Variants in HS3ST4 observed in about 807,000 individuals in gnomAD.
The protein encoded by HS3ST4 is heparan sulfate-glucosamine 3-sulfotransferase 4.
In HS3ST4, 17 loss-of-function variants were observed where a neutral mutation model predicts 29.2. The ratio of observed to expected loss-of-function variants is 0.58; its 90% CI spans 0.40 to 0.87. The LOEUF (loss-of-function observed/expected upper bound fraction) is 0.87. HS3ST4 is among the 40% of genes least tolerant of loss of function. The pLI is 0.00. For synonymous variants in HS3ST4, 314 were observed against 285.7 expected (o/e 1.10, Z -1.00); for missense variants, 627 against 634.5 (o/e 0.99, Z 0.13).
intron 1 of HS3ST4, among the ~76,000 whole-genome samples, chr16:26,065,987 A>G (rs769002544): frequency 5.9e-5 from 9 of 152,062 alleles, no homozygotes; most frequent in Non-Finnish European, 1.3e-4. Context: ...AATAAGACAC[A>G]TGTCTGCCCA....
intron 1 of HS3ST4, among the ~76,000 whole-genome samples, chr16:26,018,989 A>C (rs1486225880): frequency 6.6e-6 from 1 of 152,130 alleles, no homozygotes; most frequent in Admixed American, 6.5e-5. Flanking sequence ...TCCTGCCACT[A>C]TGTGACTTTG....
intron 1 of HS3ST4, among the ~76,000 whole-genome samples, chr16:26,060,552 A>G (rs1480544101): frequency 6.6e-6 from 1 of 152,120 alleles, no homozygotes; most frequent in East Asian, 1.9e-4. Context: ...CATAGCAGAC[A>G]TTGGTCATCA....
At position 25,776,084 on chromosome 16, in the gene HS3ST4, T is replaced by C. The variant is rs1966847308; in HGVS notation, c.734+82933T>C. On this transcript the variant is annotated intron_variant, in intron 1 of 1. Coordinates refer to ENST00000331351, the MANE Select transcript of HS3ST4 (RefSeq NM_006040.3). ...TCTGGCCTTTGGTTGTCTTGCAACC[T>C]TAGTACTGATGGCTGGTTCCTCCTC... 3.3e-5 allele frequency among the ~76,000 whole-genome samples: 5 copies of C among 152,216 alleles called. 1 individual carries two copies. In the South Asian group the frequency reaches 8.3e-4, roughly 25 times the overall value.
At chr16:26,025,161 C>T (rs1243638500) in intron 1 of HS3ST4, 1 of 152,830 alleles carries the variant, frequency 6.5e-6, no homozygotes, top group East Asian at 1.9e-4. Context: ...AGCCATGCCA[C>T]TTTTTAATAA....
chr16:25,913,660 A>G (rs1968261086), intron 1 of HS3ST4, among the ~76,000 whole-genome samples: 1 of 152,202 alleles, frequency 6.6e-6, no homozygotes, highest in Non-Finnish European at 1.5e-5. Flanking sequence ...GAAGAAAGGA[A>G]GGGTTACTAG....
chr16:25,834,624 A>G (rs755595722), intron 1 of HS3ST4, among the ~76,000 whole-genome samples: 1 of 152,202 alleles, frequency 6.6e-6, no homozygotes, highest in Non-Finnish European at 1.5e-5. Flanking sequence ...ATAGTTGCAT[A>G]TTGTGTAGGG....
At chr16:25,859,761 AT>A (rs1296567775) in intron 1 of HS3ST4, among the ~76,000 whole-genome samples, 1 of 152,232 alleles carries the variant, frequency 6.6e-6, no homozygotes, top group East Asian at 1.9e-4. Flanking sequence ...GATGGAACAG[AT>A]GTTCCCCATC....
In HS3ST4 at chr16:25,801,869, T is replaced by C. The variant is rs941670779; in HGVS notation, c.734+108718T>C. ...GTAGACAAAAATTTAATTTCCTTTA[T>C]ATTTTATGTATATATTTTTGTTTCT... On this transcript the variant is annotated intron_variant, in intron 1 of 1. Coordinates refer to ENST00000331351, the MANE Select transcript of HS3ST4 (RefSeq NM_006040.3). Among the ~76,000 whole-genome samples the C allele has an allele frequency of 7.9e-5, 12 of 152,234 alleles. No individual in the cohort carries two copies. The East Asian group carries it at 1.3e-3, about 17-fold the overall frequency.
chr16:25,949,825 C>T (rs549317384), intron 1 of HS3ST4, among the ~76,000 whole-genome samples: 2 of 152,176 alleles, frequency 1.3e-5, no homozygotes, highest in East Asian at 3.9e-4. Flanking sequence ...CTAAACTGAC[C>T]AAGCAGGATT....
chr16:25,941,018 A>G (rs1372993029), intron 1 of HS3ST4, among the ~76,000 whole-genome samples: 1 of 152,094 alleles, frequency 6.6e-6, no homozygotes. Context: ...TTAGATTTTC[A>G]CTTGTCTGGC....
intron 1 of HS3ST4, among the ~76,000 whole-genome samples, chr16:25,711,113 T>G (rs1966412340): frequency 1.3e-5 from 2 of 152,104 alleles, no homozygotes; most frequent in Non-Finnish European, 2.9e-5. Context: ...CATGAACCAC[T>G]GTGTCCAGCT....
intron 1 of HS3ST4, among the ~76,000 whole-genome samples, chr16:25,904,209 T>TGGATGGAC (rs1968157594): frequency 6.6e-6 from 1 of 152,012 alleles, no homozygotes; most frequent in Non-Finnish European, 1.5e-5. Flanking sequence ...AATGGATGGA[T>TGGATGGAC]GGATGGACGG....
At chr16:26,058,312 A>G (rs1898433340) in intron 1 of HS3ST4, among the ~76,000 whole-genome samples, 2 of 152,220 alleles carry the variant, frequency 1.3e-5, no homozygotes, top group Non-Finnish European at 2.9e-5. Flanking sequence ...CCATTTGTCA[A>G]AAGAAGAAAA....
At chr16:26,001,232 A>G (rs891672245) in intron 1 of HS3ST4, among the ~76,000 whole-genome samples, 1 of 152,170 alleles carries the variant, frequency 6.6e-6, no homozygotes, top group African/African-American at 2.4e-5. Context: ...GGTTATATAA[A>G]AGCATCTCAT....
chr16:25,773,826 G>T (rs937751838), intron 1 of HS3ST4, among the ~76,000 whole-genome samples: 12 of 152,014 alleles, frequency 7.9e-5, no homozygotes, highest in African/African-American at 2.4e-4. Flanking sequence ...AGTCTCCCGT[G>T]TCGATTATAC....
At chr16:26,020,176 C>T (rs1272149429) in intron 1 of HS3ST4, among the ~76,000 whole-genome samples, 1 of 152,196 alleles carries the variant, frequency 6.6e-6, no homozygotes, top group Admixed American at 6.5e-5. Context: ...AACACAGTGG[C>T]AGTCACCTTT....
intron 1 of HS3ST4, among the ~76,000 whole-genome samples, chr16:25,704,742 G>A (rs1490548452): frequency 6.6e-6 from 1 of 152,120 alleles, no homozygotes; most frequent in Non-Finnish European, 1.5e-5. Flanking sequence ...AGCCAAGCGT[G>A]GTGACAGGCA....
At chr16:26,051,001 G>A (rs568887089) in intron 1 of HS3ST4, among the ~76,000 whole-genome samples, 1 of 152,230 alleles carries the variant, frequency 6.6e-6, no homozygotes, top group African/African-American at 2.4e-5. Flanking sequence ...ATAGGAGGTC[G>A]GGGATCTCCT....
intron 1 of HS3ST4, among the ~76,000 whole-genome samples, chr16:25,778,579 T>A (rs1375681243): frequency 6.6e-6 from 1 of 152,202 alleles, no homozygotes; most frequent in East Asian, 1.9e-4. Flanking sequence ...TTTAAAGATG[T>A]GATTAACTTT....
Sources: gnomAD v4.1 joint callset for allele counts (sites outside exome capture counted in the v4.1 genomes callset) on GRCh38, gnomAD v4.1.1 for gene constraint, MANE v1.5 for transcripts, NCBI Gene and HGNC (gene_info 2026-07-23, HGNC 2026-07-21) for gene names.